The following KLF8 variants were observed in gnomAD, a reference collection of about 807,000 sequenced individuals.
KLF8 encodes the protein Krueppel-like factor 8.
In KLF8, 10 loss-of-function variants were observed where a neutral mutation model predicts 18.2. That is an observed-to-expected ratio of 0.55 (90% CI 0.34 to 0.93). The LOEUF is 0.93. KLF8 is among the 40% of genes least tolerant of loss of function. The pLI is 0.02. For synonymous variants in KLF8, 109 were observed against 97.3 expected (o/e 1.12, Z -0.71); for missense variants, 264 against 277.9 (o/e 0.95, Z 0.36).
chrX:56,284,760 C>T lies in KLF8; in HGVS notation c.*266C>T, dbSNP rs1338992781. On this transcript the variant is annotated 3_prime_UTR_variant, in exon 6 of 6. Coordinates refer to ENST00000468660, the MANE Select transcript of KLF8 (RefSeq NM_007250.5). Reference sequence around the variant, plus strand: ...GTGGCACCCATGGCTGCCTTCCCATCCCCCCCTGCTCTGAAATAGGACATT... The same window carrying T: ...GTGGCACCCATGGCTGCCTTCCCATTCCCCCCTGCTCTGAAATAGGACATT... 3.9e-6 allele frequency: 1 copy of T among 258,637 alleles called. No homozygotes were observed. Among genetic ancestry groups the T allele is most frequent in the Non-Finnish European group, 6.8e-6 (1 of 147,220 alleles). The allele number at this position is 258,637 out of a possible 1,213,427, so 21.3% of individuals were successfully genotyped here. A position where few individuals can be genotyped will look rare whatever the true frequency, so the allele number is the denominator to read the frequency against.
chrX:56,048,959 A>G, the KLF8 span, among the ~76,000 whole-genome samples: 2 of 111,526 alleles, frequency 1.8e-5, no homozygotes, highest in Non-Finnish European at 3.8e-5. Context: ...AGTGGCTTGT[A>G]GTTCTCCTTG....
chrX:55,925,171 AT>A, the KLF8 span, among the ~76,000 whole-genome samples: 25,287 of 69,779 alleles, frequency 0.36, 4,721 homozygotes, highest in African/African-American at 0.61. Flanking sequence ...TGGTGGTTTC[AT>A]TTTTTTTTTT....
chrX:56,119,374 C>T, the KLF8 span, among the ~76,000 whole-genome samples: 2 of 110,997 alleles, frequency 1.8e-5, no homozygotes, highest in African/African-American at 6.6e-5. Context: ...AGCAAGCTGG[C>T]TGTGACAGAG....
the KLF8 span, among the ~76,000 whole-genome samples, chrX:56,017,302 G>A: frequency 8.9e-6 from 1 of 112,366 alleles, no homozygotes; most frequent in Non-Finnish European, 1.9e-5. Flanking sequence ...GAGAAGTAAG[G>A]TAGGCTTCCA....
At chrX:56,045,474 T>C in the KLF8 span, among the ~76,000 whole-genome samples, 1 of 112,184 alleles carries the variant, frequency 8.9e-6, no homozygotes, top group Non-Finnish European at 1.9e-5. Flanking sequence ...ATTGAATTTG[T>C]AGATTGCTTT....
chrX:56,202,887 T>C, the KLF8 span, among the ~76,000 whole-genome samples: 81 of 111,291 alleles, frequency 7.3e-4, no homozygotes, highest in African/African-American at 2.6e-3. Context: ...GGAACAAACA[T>C]AGAGGTTCAG....
At chrX:56,006,344 A>T in the KLF8 span, among the ~76,000 whole-genome samples, 1 of 111,955 alleles carries the variant, frequency 8.9e-6, no homozygotes, top group African/African-American at 3.3e-5. Flanking sequence ...GAGTTGCTGC[A>T]ATCCAGGAAC....
chrX:56,278,452 G>C (rs2067151555), intron 5 of KLF8, among the ~76,000 whole-genome samples: 2 of 111,188 alleles, frequency 1.8e-5, no homozygotes, highest in Non-Finnish European at 3.8e-5. Flanking sequence ...TCATCCATGA[G>C]CTAGGTCCTG....
the KLF8 span, among the ~76,000 whole-genome samples, chrX:56,160,020 G>A: frequency 2.7e-5 from 3 of 111,662 alleles, no homozygotes; most frequent in South Asian, 3.7e-4. Context: ...TCTAATGTGG[G>A]CATTTAGTGC....
chrX:56,214,133 C>T, the KLF8 span, among the ~76,000 whole-genome samples: 19 of 110,278 alleles, frequency 1.7e-4, no homozygotes, highest in East Asian at 3.7e-3. Context: ...CTTCTCTGCT[C>T]TTTGCCAGTG....
the KLF8 span, among the ~76,000 whole-genome samples, chrX:56,059,837 C>A: frequency 3.6e-5 from 4 of 111,748 alleles, no homozygotes; most frequent in Non-Finnish European, 5.6e-5. Flanking sequence ...GCAATATGGG[C>A]TCTTTTTCGC....
the KLF8 span, among the ~76,000 whole-genome samples, chrX:55,990,259 C>T: frequency 1.8e-5 from 2 of 111,404 alleles, no homozygotes. Context: ...AATGAGTTTG[C>T]TGTTGCTTCT....
the KLF8 span, among the ~76,000 whole-genome samples, chrX:55,965,110 C>T: frequency 3.6e-5 from 4 of 111,391 alleles, no homozygotes; most frequent in African/African-American, 9.8e-5. Context: ...AAGAGAACTC[C>T]AGGCCAATAT....
the KLF8 span, among the ~76,000 whole-genome samples, chrX:56,219,974 G>T: frequency 8.9e-6 from 1 of 112,357 alleles, no homozygotes; most frequent in Non-Finnish European, 1.9e-5. Context: ...CCTATTCAGG[G>T]TAAAATAGGA....
the KLF8 span, among the ~76,000 whole-genome samples, chrX:56,093,409 A>G: frequency 9.0e-6 from 1 of 111,381 alleles, no homozygotes; most frequent in Non-Finnish European, 1.9e-5. Flanking sequence ...TAAGGTATTT[A>G]TAAAGTGTTG....
chrX:56,037,115 A>T, the KLF8 span, among the ~76,000 whole-genome samples: 1 of 108,808 alleles, frequency 9.2e-6, no homozygotes, highest in Non-Finnish European at 1.9e-5. Context: ...ACAATTTGAC[A>T]CCCTCCTTTC....
At chrX:56,043,242 A>C in the KLF8 span, among the ~76,000 whole-genome samples, 1 of 110,028 alleles carries the variant, frequency 9.1e-6, no homozygotes, top group Non-Finnish European at 1.9e-5. Context: ...GCTGCCCTTA[A>C]AATTTTTTTT....
chrX:56,119,870 T>C, the KLF8 span, among the ~76,000 whole-genome samples: 1 of 108,141 alleles, frequency 9.2e-6, no homozygotes, highest in African/African-American at 3.4e-5. Context: ...TGGATCTGCA[T>C]AAGGTAGGAG....
chrX:56,147,261 G>C, the KLF8 span, among the ~76,000 whole-genome samples: 2 of 111,582 alleles, frequency 1.8e-5, no homozygotes, highest in Admixed American at 1.9e-4. Context: ...ATAAAAGAAA[G>C]TTTTCCATTC....
Sources: gnomAD v4.1 joint callset for allele counts (sites outside exome capture counted in the v4.1 genomes callset) on GRCh38, gnomAD v4.1.1 for gene constraint, MANE v1.5 for transcripts, NCBI Gene and HGNC (gene_info 2026-07-23, HGNC 2026-07-21) for gene names.